CDH13: variants seen among roughly 807,000 people sequenced by gnomAD.
CDH13 encodes cadherin-13.
A neutral mutation model predicts 63.8 loss-of-function variants in CDH13; 24 were observed. That is an observed-to-expected ratio of 0.38 (90% CI 0.27 to 0.53). CDH13 has a LOEUF of 0.53. CDH13 is among the 20% of genes least tolerant of loss of function. The pLI is 0.85. For missense variants in CDH13, 1,049 were observed against 903.1 expected, an observed-to-expected ratio of 1.16 and a Z score of -2.07; for synonymous variants, 503 against 355.3, an observed-to-expected ratio of 1.42 and a Z score of -4.67.
In CDH13 at chr16:83,125,399, T is replaced by G; in HGVS notation, c.381T>G (p.Phe127Leu). 5 of 1,587,244 alleles carry G rather than the reference T, an allele frequency of 3.2e-6. No individual in the cohort carries two copies. The highest frequency in any genetic ancestry group is 4.3e-6 in the Non-Finnish European group (5 of 1,155,796). ...IQGSLQDIFK[F>L]ARTSPVPRQK... ...TTCCCTTTTAGGATATATTTAAATT[T>G]GCAAGAACTTCTCCTGTCCCAAGAC... Residue 127 changes from phenylalanine (F) to leucine (L), a missense_variant, in exon 4 of 14, where the codon TTT becomes TTG. Coordinates refer to ENST00000567109, the MANE Select transcript of CDH13 (RefSeq NM_001257.5).
chr16:83,395,798 TTTTTAAC>T (rs2091876635), intron 6 of CDH13, among the ~76,000 whole-genome samples: 1 of 152,224 alleles, frequency 6.6e-6, no homozygotes, highest in Non-Finnish European at 1.5e-5. Context: ...TCCGTTCTTT[TTTTTAAC>T]TTTTAAGTTG....
chr16:82,897,901 A>T (rs2041323963), intron 2 of CDH13, among the ~76,000 whole-genome samples: 1 of 152,176 alleles, frequency 6.6e-6, no homozygotes, highest in Admixed American at 6.5e-5. Flanking sequence ...ACATTTATCA[A>T]ACTCCTTTGC....
intron 7 of CDH13, among the ~76,000 whole-genome samples, chr16:83,490,097 G>A (rs144848476): frequency 7.2e-5 from 11 of 151,850 alleles, no homozygotes; most frequent in African/African-American, 1.4e-4. Flanking sequence ...CAAAGCAAAC[G>A]TGTGTTTCCT....
intron 6 of CDH13, among the ~76,000 whole-genome samples, chr16:83,386,392 C>G (rs137997153): frequency 0.013 from 1,965 of 152,290 alleles, 44 homozygotes; most frequent in African/African-American, 0.045. Flanking sequence ...ACTGACCCAG[C>G]TTTCTTCCCA....
intron 1 of CDH13, among the ~76,000 whole-genome samples, chr16:82,789,586 A>G (rs1420722660): frequency 6.6e-6 from 1 of 152,220 alleles, no homozygotes; most frequent in Non-Finnish European, 1.5e-5. Flanking sequence ...CTGCACAAGG[A>G]TAGAAACAAA....
chr16:82,825,549 T>A (rs1443166973), intron 1 of CDH13: 1 of 151,618 alleles, frequency 6.6e-6, no homozygotes, highest in East Asian at 1.9e-4. Context: ...CTTTTTTTTT[T>A]TTTTTTTTCC....
At chr16:83,025,432 T>C (rs144767204) in intron 2 of CDH13, among the ~76,000 whole-genome samples, 3 of 152,144 alleles carry the variant, frequency 2.0e-5, no homozygotes, top group Non-Finnish European at 4.4e-5. Flanking sequence ...CACATCCTTC[T>C]TCACATGGCA....
At chr16:83,078,604 C>T (rs180790539) in intron 3 of CDH13, among the ~76,000 whole-genome samples, 36 of 152,314 alleles carry the variant, frequency 2.4e-4, no homozygotes, top group Middle Eastern at 6.8e-3. Context: ...CAGTACCGGT[C>T]CATGGCCGAG....
chr16:83,004,773 G>C (rs905410523), intron 2 of CDH13, among the ~76,000 whole-genome samples: 5 of 152,174 alleles, frequency 3.3e-5, no homozygotes, highest in Non-Finnish European at 4.4e-5. Flanking sequence ...GATTACAGGA[G>C]TGAGCTACTG....
chr16:83,676,308 A>G (rs1914949575), intron 9 of CDH13, among the ~76,000 whole-genome samples: 1 of 152,184 alleles, frequency 6.6e-6, no homozygotes, highest in South Asian at 2.1e-4. Flanking sequence ...GATTGTGATT[A>G]GTGCTGGTGT....
intron 3 of CDH13, among the ~76,000 whole-genome samples, chr16:83,066,811 A>G (rs2032049469): frequency 6.6e-6 from 1 of 152,150 alleles, no homozygotes; most frequent in Non-Finnish European, 1.5e-5. Context: ...TTCTGCTTCT[A>G]CTCTACCCTT....
intron 1 of CDH13, among the ~76,000 whole-genome samples, chr16:82,855,462 A>G (rs1285819198): frequency 6.6e-6 from 1 of 152,218 alleles, no homozygotes; most frequent in African/African-American, 2.4e-5. Flanking sequence ...TTAACGCATA[A>G]TTGTAGGCAC....
In CDH13 at chr16:83,261,884, C is replaced by G. The variant is rs139778055; in HGVS notation, c.636+44387C>G. ...GGAACAGAGGCAGTGGGAGGAGTCA[C>G]TCAAAGAGTCTTATGAGCCTGATAA... is the stretch of plus-strand genomic sequence containing the variant. On this transcript the variant is annotated intron_variant, in intron 5 of 13. Coordinates refer to ENST00000567109, the MANE Select transcript of CDH13 (RefSeq NM_001257.5). Among the ~76,000 whole-genome samples the G allele has an allele frequency of 3.8e-3, 579 of 152,204 alleles. 6 individuals carry two copies. The highest frequency in any genetic ancestry group is 0.013 in the African/African-American group (530 of 41,520).
intron 8 of CDH13, among the ~76,000 whole-genome samples, chr16:83,630,811 T>C (rs1322749317): frequency 6.6e-6 from 1 of 152,170 alleles, no homozygotes; most frequent in Non-Finnish European, 1.5e-5. Context: ...AGGCAAATTG[T>C]GAGGGAGATA....
At chr16:83,684,603 T>C (rs565539976) in intron 10 of CDH13, among the ~76,000 whole-genome samples, 3 of 152,290 alleles carry the variant, frequency 2.0e-5, no homozygotes, top group Admixed American at 1.3e-4. Flanking sequence ...ATTCCAAACA[T>C]TTTTCAGACA....
intron 8 of CDH13, among the ~76,000 whole-genome samples, chr16:83,652,157 A>G (rs571449725): frequency 6.6e-6 from 1 of 152,340 alleles, no homozygotes; most frequent in Non-Finnish European, 1.5e-5. Context: ...CAAGGGGTCT[A>G]TTTGAAATGG....
At chr16:83,646,404 GA>G (rs1911798638) in intron 8 of CDH13, among the ~76,000 whole-genome samples, 1 of 152,120 alleles carries the variant, frequency 6.6e-6, no homozygotes, top group Non-Finnish European at 1.5e-5. Flanking sequence ...ACTTTCTTTA[GA>G]AAATAGTTGT....
At chr16:83,777,168 A>G (rs1915177804) in intron 11 of CDH13, among the ~76,000 whole-genome samples, 1 of 152,124 alleles carries the variant, frequency 6.6e-6, no homozygotes, top group South Asian at 2.1e-4. Context: ...CACATTTCCT[A>G]TCAATCCAAT....
At chr16:83,090,662 G>A (rs1407877631) in intron 3 of CDH13, among the ~76,000 whole-genome samples, 3 of 151,810 alleles carry the variant, frequency 2.0e-5, no homozygotes, top group Non-Finnish European at 4.4e-5. Flanking sequence ...CTGCACTCTC[G>A]GTAATCCCTC....
Sources: gnomAD v4.1 joint callset for allele counts (sites outside exome capture counted in the v4.1 genomes callset) on GRCh38, gnomAD v4.1.1 for gene constraint, MANE v1.5 for transcripts, NCBI Gene and HGNC (gene_info 2026-07-23, HGNC 2026-07-21) for gene names.